Variants in LRRTM3 observed in about 807,000 individuals in gnomAD.
The protein encoded by LRRTM3 is leucine-rich repeat transmembrane neuronal protein 3.
A neutral mutation model predicts 44.7 loss-of-function variants in LRRTM3; 24 were observed. The observed-to-expected ratio is 0.54, with a 90% confidence interval of 0.39 to 0.76. The LOEUF is 0.76. LRRTM3 is among the 30% of genes least tolerant of loss of function. The pLI is 0.00. For synonymous variants in LRRTM3, 277 were observed against 278.7 expected (o/e 0.99, Z 0.06); for missense variants, 587 against 702.2 (o/e 0.84, Z 1.85).
intron 2 of LRRTM3, among the ~76,000 whole-genome samples, chr10:67,018,759 G>A (rs1480884981): frequency 1.3e-5 from 2 of 152,206 alleles, no homozygotes; most frequent in African/African-American, 4.8e-5. Flanking sequence ...GAAGATTAAA[G>A]GAGTTAATTT....
chr10:67,098,070 T>C lies in LRRTM3; in HGVS notation c.*274T>C, dbSNP rs1016915162. ...AATCTTTTTTTTTCAAAACTCATCC[T>C]ACCTACCTGTAAAAACTGTACAAAG... is the stretch of plus-strand genomic sequence containing the variant. On this transcript the variant is annotated 3_prime_UTR_variant, in exon 3 of 3. Transcript: ENST00000361320. The C allele has an allele frequency of 4.7e-6, 2 of 423,422 alleles. No individual in the cohort carries two copies. The allele number at this position is 423,422 out of a possible 1,614,324, so 26.2% of individuals were successfully genotyped here.
chr10:66,954,065 A>G (rs533354198), intron 2 of LRRTM3, among the ~76,000 whole-genome samples: 1 of 152,340 alleles, frequency 6.6e-6, no homozygotes, highest in South Asian at 2.1e-4. Context: ...TGTACATCAT[A>G]ATTCCTAACT....
chr10:67,004,688 C>T (rs1484906597), intron 2 of LRRTM3, among the ~76,000 whole-genome samples: 1 of 152,172 alleles, frequency 6.6e-6, no homozygotes, highest in African/African-American at 2.4e-5. Context: ...ACAAATACTG[C>T]TTTCAAAAGA....
chr10:67,063,814 A>AT lies in LRRTM3; in HGVS notation c.1537-33772dup, dbSNP rs1855903054. Among the ~76,000 whole-genome samples the AT allele has an allele frequency of 4.6e-5, 7 of 152,344 alleles. No individual in the cohort carries two copies. In the South Asian group the frequency reaches 1.4e-3, roughly 32 times the overall value. On this transcript the variant is annotated intron_variant, in intron 2 of 2. Transcript: ENST00000361320. Reference sequence around the variant, plus strand: ...TTGGAGAAGATCTCTAAGTTGCTGAATCCCACAAAGACTTTAAAAAGGTAG... The same window carrying AT: ...TTGGAGAAGATCTCTAAGTTGCTGAATTCCCACAAAGACTTTAAAAAGGTAG...
At position 66,939,892 on chromosome 10, in the gene LRRTM3, A is replaced by T. The variant is rs542206172; in HGVS notation, c.1536+11440A>T. 1.3e-5 allele frequency among the ~76,000 whole-genome samples: 2 copies of T among 152,188 alleles called. 1 individual carries two copies. The highest frequency in any genetic ancestry group is 4.1e-4 in the South Asian group (2 of 4,830). On this transcript the variant is annotated intron_variant, in intron 2 of 2. Transcript: ENST00000361320. ...TTGTAACAATCTTCCAAGAACTGCAATCCTCAAGTTCTCTCTTTGTTATCC... is the reference window on the plus strand; with the variant it reads ...TTGTAACAATCTTCCAAGAACTGCATTCCTCAAGTTCTCTCTTTGTTATCC...
chr10:67,050,664 A>G (rs1308172859), intron 2 of LRRTM3, among the ~76,000 whole-genome samples: 4 of 152,176 alleles, frequency 2.6e-5, no homozygotes, highest in African/African-American at 9.7e-5. Context: ...TCCTGCATGG[A>G]ATTTAAACTA....
At chr10:67,014,892 AT>A (rs943165979) in intron 2 of LRRTM3, among the ~76,000 whole-genome samples, 9 of 152,126 alleles carry the variant, frequency 5.9e-5, no homozygotes, top group African/African-American at 1.4e-4. Flanking sequence ...TTTGAAAAAA[AT>A]GAAATCAAAT....
chr10:67,044,175 ATAAG>A (rs1854583240), intron 2 of LRRTM3, among the ~76,000 whole-genome samples: 5 of 152,048 alleles, frequency 3.3e-5, no homozygotes, highest in Admixed American at 2.6e-4. Flanking sequence ...GCTCTCACTT[ATAAG>A]TGAGAACATG....
chr10:67,016,023 G>T (rs899858506), intron 2 of LRRTM3, among the ~76,000 whole-genome samples: 2 of 133,652 alleles, frequency 1.5e-5, no homozygotes, highest in African/African-American at 5.0e-5. Flanking sequence ...TTTTATTGCT[G>T]TATACTCTCT....
intron 2 of LRRTM3, among the ~76,000 whole-genome samples, chr10:67,095,297 C>T (rs554972875): frequency 2.0e-4 from 31 of 151,672 alleles, no homozygotes; most frequent in Admixed American, 1.9e-3. Context: ...TAAACATTCA[C>T]GTTGCTTATA....
At chr10:66,990,997 G>A (rs7082306) in intron 2 of LRRTM3, among the ~76,000 whole-genome samples, 16,545 of 152,026 alleles carry the variant, frequency 0.11, 1,254 homozygotes, top group African/African-American at 0.21. Flanking sequence ...TGAACATTTT[G>A]GTGAAACAAA....
At chr10:67,074,432 G>C (rs1208353299) in intron 2 of LRRTM3, among the ~76,000 whole-genome samples, 1 of 132,374 alleles carries the variant, frequency 7.6e-6, no homozygotes, top group Admixed American at 8.8e-5. Flanking sequence ...CTCACTGCAA[G>C]CTCCACCTCC....
At chr10:66,940,839 A>C (rs1170976570) in intron 2 of LRRTM3, among the ~76,000 whole-genome samples, 1 of 152,206 alleles carries the variant, frequency 6.6e-6, no homozygotes, top group African/African-American at 2.4e-5. Flanking sequence ...ACCCAAGTGC[A>C]GATGCCATCT....
At chr10:66,997,922 T>C (rs1851449667) in intron 2 of LRRTM3, among the ~76,000 whole-genome samples, 1 of 152,136 alleles carries the variant, frequency 6.6e-6, no homozygotes, top group African/African-American at 2.4e-5. Context: ...CCTGAATATA[T>C]TGCAAATCTA....
chr10:67,030,766 G>C (rs541228837), intron 2 of LRRTM3, among the ~76,000 whole-genome samples: 2 of 152,238 alleles, frequency 1.3e-5, no homozygotes, highest in South Asian at 4.1e-4. Flanking sequence ...AGCACTTTGG[G>C]AGGCCGAGGT....
intron 2 of LRRTM3, among the ~76,000 whole-genome samples, chr10:67,031,424 T>C (rs1316045633): frequency 6.6e-6 from 1 of 152,230 alleles, no homozygotes; most frequent in African/African-American, 2.4e-5. Flanking sequence ...CTTTCTACTA[T>C]ACATTGTGCT....
chr10:66,978,534 A>AAAAAAAATAAAATAAAAATAAAAAAAAT (rs1405434933), intron 2 of LRRTM3, among the ~76,000 whole-genome samples: 1 of 93,700 alleles, frequency 1.1e-5, no homozygotes, highest in Non-Finnish European at 2.2e-5. Context: ...CTCAAAAAAA[A>AAAAAAAATAAAATAAAAATAAAAAAAAT]AAAAAAAAAA....
At chr10:66,942,531 T>C (rs1193783408) in intron 2 of LRRTM3, among the ~76,000 whole-genome samples, 2 of 151,864 alleles carry the variant, frequency 1.3e-5, no homozygotes, top group Admixed American at 6.6e-5. Context: ...AATCTCTCTT[T>C]AAAACATTGC....
At chr10:66,999,735 T>C (rs1851569077) in intron 2 of LRRTM3, among the ~76,000 whole-genome samples, 1 of 152,180 alleles carries the variant, frequency 6.6e-6, no homozygotes, top group African/African-American at 2.4e-5. Flanking sequence ...AAAAAACAAT[T>C]GGCAATTTTA....
Sources: gnomAD v4.1 joint callset for allele counts (sites outside exome capture counted in the v4.1 genomes callset) on GRCh38, gnomAD v4.1.1 for gene constraint, MANE v1.5 for transcripts, NCBI Gene and HGNC (gene_info 2026-07-23, HGNC 2026-07-21) for gene names.